The following PRIM2 variants were observed in gnomAD, a reference collection of about 807,000 sequenced individuals.
The protein encoded by PRIM2 is DNA primase subunit 2, also known as DNA primase large subunit.
In PRIM2, 39 loss-of-function variants were observed where a neutral mutation model predicts 67.3. The observed-to-expected ratio is 0.58, with a 90% CI of 0.45 to 0.76. The LOEUF is 0.76. PRIM2 is among the 30% of genes least tolerant of loss of function. The probability of loss-of-function intolerance (pLI) is 0.00; values close to 1 mark genes in which losing one functional copy is unlikely to be tolerated. For missense variants in PRIM2, 398 were observed against 598.7 expected, an observed-to-expected ratio of 0.66 and a Z score of 3.50; for synonymous variants, 143 against 198.7, an observed-to-expected ratio of 0.72 and a Z score of 2.36.
At chr6:57,295,031 A>C in the PRIM2 span, among the ~76,000 whole-genome samples, 3 of 152,124 alleles carry the variant, frequency 2.0e-5, no homozygotes, top group East Asian at 5.8e-4. Context: ...CTTGTCTCCA[A>C]CTTCTGACTT....
chr6:57,316,972 A>T (rs1418856398), upstream of PRIM2, among the ~76,000 whole-genome samples: 1 of 152,212 alleles, frequency 6.6e-6, no homozygotes, highest in African/African-American at 2.4e-5. Flanking sequence ...CCTCTGTGCG[A>T]GGCATTGCCG....
At chr6:57,454,573 G>T (rs1772688011) in intron 7 of PRIM2, among the ~76,000 whole-genome samples, 1 of 151,934 alleles carries the variant, frequency 6.6e-6, no homozygotes, top group Non-Finnish European at 1.5e-5. Context: ...AGTTTGAGTA[G>T]AGGTGATTAT....
chr6:57,606,641 G>C (rs1776567394), intron 12 of PRIM2, among the ~76,000 whole-genome samples, 184 bp downstream of exon 12: 3 of 152,140 alleles, frequency 2.0e-5, no homozygotes, highest in Admixed American at 1.3e-4. Flanking sequence ...GGAAATTCTA[G>C]TTCTTCTGTC....
intron 7 of PRIM2, among the ~76,000 whole-genome samples, chr6:57,432,698 C>T (rs1771875802): frequency 2.6e-5 from 4 of 152,158 alleles, no homozygotes; most frequent in Admixed American, 2.0e-4. Flanking sequence ...TTTTTAAGAC[C>T]TTATATACCT....
At chr6:57,516,415 T>C (rs1358706092) in intron 8 of PRIM2, among the ~76,000 whole-genome samples, 2 of 152,228 alleles carry the variant, frequency 1.3e-5, no homozygotes, top group South Asian at 2.1e-4. Flanking sequence ...TCTTAATTTA[T>C]GTAGAATACT....
chr6:57,427,164 T>A (rs1208220241), intron 7 of PRIM2, among the ~76,000 whole-genome samples: 1 of 152,232 alleles, frequency 6.6e-6, no homozygotes, highest in East Asian at 1.9e-4. Context: ...TAATTCATCC[T>A]GTATTTTTTC....
chr6:57,342,010 A>T (rs567654263), intron 5 of PRIM2, among the ~76,000 whole-genome samples: 2 of 152,298 alleles, frequency 1.3e-5, no homozygotes, highest in Non-Finnish European at 2.9e-5. Flanking sequence ...CTGTAAAATA[A>T]ATATATTTTT....
chr6:57,377,418 T>C (rs1186174340), intron 5 of PRIM2, among the ~76,000 whole-genome samples: 2 of 152,158 alleles, frequency 1.3e-5, no homozygotes, highest in African/African-American at 4.8e-5. Flanking sequence ...GGAGATTGTG[T>C]TTCGAAAGTT....
chr6:57,443,496 A>C (rs1376827079), intron 7 of PRIM2, among the ~76,000 whole-genome samples: 1 of 152,134 alleles, frequency 6.6e-6, no homozygotes, highest in African/African-American at 2.4e-5. Context: ...TTTTCCTAAT[A>C]ATTAGTGAAG....
At chr6:57,373,804 T>A (rs1369021315) in intron 5 of PRIM2, among the ~76,000 whole-genome samples, 1 of 152,210 alleles carries the variant, frequency 6.6e-6, no homozygotes, top group Non-Finnish European at 1.5e-5. Context: ...CATTGGTCTA[T>A]GTGCCTGTTT....
chr6:57,403,257 T>A (rs1770772225), intron 7 of PRIM2, among the ~76,000 whole-genome samples: 2 of 143,210 alleles, frequency 1.4e-5, no homozygotes, highest in South Asian at 4.4e-4. Flanking sequence ...GAATTTTTTT[T>A]TTTTTTTTTT....
intron 7 of PRIM2, among the ~76,000 whole-genome samples, chr6:57,430,232 T>C (rs1771770976): frequency 2.0e-5 from 3 of 152,132 alleles, no homozygotes; most frequent in African/African-American, 7.2e-5. Flanking sequence ...GTGAGATATG[T>C]ATTTTGCTAG....
chr6:57,474,032 C>G (rs1197882068), intron 7 of PRIM2, among the ~76,000 whole-genome samples: 1 of 151,902 alleles, frequency 6.6e-6, no homozygotes, highest in Non-Finnish European at 1.5e-5. Context: ...ATTTCACATG[C>G]TTGAGGAATT....
At chr6:57,440,624 C>G in intron 7 of PRIM2, among the ~76,000 whole-genome samples, 1 of 152,216 alleles carries the variant, frequency 6.6e-6, no homozygotes, top group Non-Finnish European at 1.5e-5. Flanking sequence ...CTTTGGGTTT[C>G]AAGCTCTGCA....
the PRIM2 span, among the ~76,000 whole-genome samples, chr6:57,231,446 A>C: frequency 6.6e-6 from 1 of 152,226 alleles, no homozygotes; most frequent in Non-Finnish European, 1.5e-5. Flanking sequence ...CTCTCAATAT[A>C]TGACAGATAA....
intron 5 of PRIM2, among the ~76,000 whole-genome samples, chr6:57,341,669 G>C (rs1768495967): frequency 6.6e-6 from 1 of 152,200 alleles, no homozygotes; most frequent in Non-Finnish European, 1.5e-5. Flanking sequence ...GTTTGCATTT[G>C]AAAACTGCTA....
At chr6:57,454,382 C>G (rs776531078) in intron 7 of PRIM2, among the ~76,000 whole-genome samples, 3 of 152,200 alleles carry the variant, frequency 2.0e-5, no homozygotes, top group Non-Finnish European at 1.5e-5. Flanking sequence ...CTTCTTGTAC[C>G]TCTGGTAGAA....
intron 6 of PRIM2, 58 bp from the exon 7 acceptor site, chr6:57,381,973 C>T (rs1769972432): frequency 2.0e-6 from 3 of 1,528,180 alleles, no homozygotes; most frequent in Non-Finnish European, 2.7e-6. Flanking sequence ...CATATGAAGA[C>T]TTAGGATTTC....
At chr6:57,553,767 A>G (rs1775452274) in intron 10 of PRIM2, among the ~76,000 whole-genome samples, 1 of 152,202 alleles carries the variant, frequency 6.6e-6, no homozygotes, top group African/African-American at 2.4e-5. Context: ...CAAGGGTGTC[A>G]TAGTACTTAA....
Sources: gnomAD v4.1 joint callset for allele counts (sites outside exome capture counted in the v4.1 genomes callset) on GRCh38, gnomAD v4.1.1 for gene constraint, MANE v1.5 for transcripts, NCBI Gene and HGNC (gene_info 2026-07-23, HGNC 2026-07-21) for gene names.